The following R3HDM2 variants were observed in gnomAD, a reference collection of about 807,000 sequenced individuals.
R3HDM2 encodes the protein R3H domain containing 2.
In R3HDM2, 38 loss-of-function variants were observed where a neutral mutation model predicts 124.5. The ratio of observed to expected loss-of-function variants is 0.31; its 90% CI spans 0.24 to 0.40. The LOEUF is 0.40. Among genes scored for constraint, R3HDM2 ranks in the 10% least tolerant of loss-of-function variants. The pLI is 1.00. For synonymous variants in R3HDM2, 391 were observed against 448.0 expected, an observed-to-expected ratio of 0.87 and a Z score of 1.61; for missense variants, 869 against 1,236.9, an observed-to-expected ratio of 0.70 and a Z score of 4.46.
At chr12:57,286,116 G>A (rs1381937082) in intron 12 of R3HDM2, among the ~76,000 whole-genome samples, 1 of 152,168 alleles carries the variant, frequency 6.6e-6, no homozygotes, top group Non-Finnish European at 1.5e-5. Flanking sequence ...CACTGGATCG[G>A]GTTGTGTGTA....
At chr12:57,417,384 CAAAA>C (rs542470589) in intron 1 of R3HDM2, among the ~76,000 whole-genome samples, 1 of 110,244 alleles carries the variant, frequency 9.1e-6, no homozygotes, top group African/African-American at 3.6e-5. Context: ...AATTCCATTT[CAAAA>C]AAAAAAAAAA....
intron 14 of R3HDM2, among the ~76,000 whole-genome samples, chr12:57,275,198 A>T (rs1332129041): frequency 6.6e-6 from 1 of 152,196 alleles, no homozygotes; most frequent in Non-Finnish European, 1.5e-5. Flanking sequence ...TGACAAAGCA[A>T]ACAAAAACAT....
At chr12:57,332,084 G>A (rs1318657954) in intron 2 of R3HDM2, among the ~76,000 whole-genome samples, 1 of 151,236 alleles carries the variant, frequency 6.6e-6, no homozygotes, top group Non-Finnish European at 1.5e-5. Flanking sequence ...ACCCTGTCTT[G>A]AAAAGAAAAA....
intron 2 of R3HDM2, among the ~76,000 whole-genome samples, chr12:57,314,377 G>T (rs905055556): frequency 6.6e-6 from 1 of 152,140 alleles, no homozygotes. Flanking sequence ...TAACAGGAAG[G>T]CTGAGGCAGG....
At chr12:57,400,718 A>C (rs972776088) in intron 1 of R3HDM2, among the ~76,000 whole-genome samples, 1 of 152,092 alleles carries the variant, frequency 6.6e-6, no homozygotes, top group African/African-American at 2.4e-5. Flanking sequence ...ATACATATGT[A>C]TATTTCAGGT....
At chr12:57,349,176 T>G (rs895660767) in intron 2 of R3HDM2, among the ~76,000 whole-genome samples, 1 of 151,308 alleles carries the variant, frequency 6.6e-6, no homozygotes, top group Non-Finnish European at 1.5e-5. Flanking sequence ...GTCAGGAGAT[T>G]GAGACCATCC....
At chr12:57,304,077 C>G (rs114349451) in intron 3 of R3HDM2, among the ~76,000 whole-genome samples, 96 of 152,090 alleles carry the variant, frequency 6.3e-4, no homozygotes, top group African/African-American at 2.1e-3. Context: ...CTTGAGATAC[C>G]CAAAATATCT....
In R3HDM2 at chr12:57,299,241, T is replaced by C. The variant is rs190415203; in HGVS notation, c.421+111A>G. 104 of 1,260,354 alleles carry C rather than the reference T, an allele frequency of 8.3e-5. No homozygotes were observed. The East Asian group carries it at 2.6e-3, about 32-fold the overall frequency. The allele number at this position is 1,260,354 out of a possible 1,614,324, so 78.1% of individuals were successfully genotyped here. A position where few individuals can be genotyped will look rare whatever the true frequency, so the allele number is the denominator to read the frequency against. On this transcript the variant is annotated intron_variant, in intron 6 of 23. Transcript: ENST00000402412. Reference sequence around the variant, plus strand: ...TAGGCATCTCCTCAAGCAACCAAGTTAGCAGAACACTACAAATTGATGGGC... The same window carrying C: ...TAGGCATCTCCTCAAGCAACCAAGTCAGCAGAACACTACAAATTGATGGGC...
chr12:57,313,793 A>G (rs970589190), intron 2 of R3HDM2, among the ~76,000 whole-genome samples: 2 of 148,224 alleles, frequency 1.3e-5, no homozygotes, highest in Admixed American at 6.9e-5. Flanking sequence ...AGGTGGGAGG[A>G]TCACTTGAGC....
At chr12:57,387,413 G>T (rs2066003124) in intron 2 of R3HDM2, among the ~76,000 whole-genome samples, 1 of 152,110 alleles carries the variant, frequency 6.6e-6, no homozygotes, top group Non-Finnish European at 1.5e-5. Context: ...CCGCCTTTAA[G>T]AACTGTGACA....
At chr12:57,387,551 T>G (rs2066028331) in intron 2 of R3HDM2, among the ~76,000 whole-genome samples, 1 of 152,238 alleles carries the variant, frequency 6.6e-6, no homozygotes, top group Non-Finnish European at 1.5e-5. Context: ...TTAAATTTTC[T>G]CAGTTTTAAC....
At chr12:57,272,834 A>G (rs1389143002) in intron 14 of R3HDM2, among the ~76,000 whole-genome samples, 2 of 152,054 alleles carry the variant, frequency 1.3e-5, no homozygotes, top group Admixed American at 1.3e-4. Context: ...GCCATTCAGA[A>G]CTCTGCAGCT....
chr12:57,260,186 C>T (rs973601513), intron 19 of R3HDM2, among the ~76,000 whole-genome samples: 1 of 142,456 alleles, frequency 7.0e-6, no homozygotes, highest in Non-Finnish European at 1.5e-5. Flanking sequence ...ATCACTTGAG[C>T]CTGGGAGGTC....
intron 10 of R3HDM2, 63 bp downstream of exon 10, chr12:57,295,336 C>A: frequency 1.8e-6 from 2 of 1,142,646 alleles, no homozygotes; most frequent in Non-Finnish European, 2.5e-6. Context: ...AAAAATTCTT[C>A]TCCCTTCCCA....
Position 57,413,847 on chromosome 12 carries a change from C to CT in R3HDM2, c.-106+16872dup, listed in dbSNP as rs56189620. ...GAGTCTTAGATCTGTAATCCCCCCC[C>CT]TTTTTTTTTTTTTTTTTGAGATGGA... is the stretch of plus-strand genomic sequence containing the variant. On this transcript the variant is annotated intron_variant, in intron 1 of 23. Coordinates refer to ENST00000402412, the MANE Select transcript of R3HDM2 (RefSeq NM_001394031.1). 9.9e-4 allele frequency among the ~76,000 whole-genome samples: 119 copies of CT among 120,538 alleles called. 4 individuals are homozygous for CT. The East Asian group carries it at 0.018, about 18-fold the overall frequency. 79.1% of individuals were successfully genotyped at this position (120,538 alleles called of 152,430 possible).
intron 13 of R3HDM2, among the ~76,000 whole-genome samples, chr12:57,283,370 A>T (rs1207880174): frequency 1.3e-5 from 2 of 152,148 alleles, no homozygotes; most frequent in Non-Finnish European, 2.9e-5. Context: ...AGGACAATGG[A>T]TCCAAAATTC....
intron 14 of R3HDM2, among the ~76,000 whole-genome samples, chr12:57,279,443 A>G (rs1041570458): frequency 6.6e-6 from 1 of 150,476 alleles, no homozygotes; most frequent in African/African-American, 2.4e-5. Context: ...TCAGCCTCCC[A>G]AAGTGCTGGG....
At chr12:57,380,266 TAATC>T (rs1359872376) in intron 2 of R3HDM2, among the ~76,000 whole-genome samples, 2 of 152,188 alleles carry the variant, frequency 1.3e-5, no homozygotes, top group Admixed American at 6.6e-5. Context: ...CAAATTTCCT[TAATC>T]AATCCATTTT....
chr12:57,261,858 G>T (rs534749677), intron 19 of R3HDM2, among the ~76,000 whole-genome samples: 56 of 151,876 alleles, frequency 3.7e-4, no homozygotes, highest in South Asian at 1.0e-3. Flanking sequence ...GAAGTGGGAG[G>T]GGGGGTTGAA....
Sources: allele counts gnomAD v4.1 joint callset (sites outside exome capture counted in the v4.1 genomes callset), GRCh38; gene constraint gnomAD v4.1.1; transcripts MANE v1.5; gene names NCBI Gene and HGNC (gene_info 2026-07-23, HGNC 2026-07-21).